Variants in LMO3 observed in about 807,000 individuals in gnomAD.
The protein encoded by LMO3 is LIM domain only 3.
Under a neutral mutation model 15.8 loss-of-function variants are expected in LMO3, and 2 were observed. That is an observed-to-expected ratio of 0.13 (90% CI 0.05 to 0.40). The LOEUF is 0.40. Among genes scored for constraint, LMO3 ranks in the 10% least tolerant of loss-of-function variants. The probability of loss-of-function intolerance (pLI) is 0.99; values close to 1 mark genes in which losing one functional copy is unlikely to be tolerated. For synonymous variants in LMO3, 62 were observed against 63.8 expected, an observed-to-expected ratio of 0.97 and a Z score of 0.13; for missense variants, 86 against 182.2, an observed-to-expected ratio of 0.47 and a Z score of 3.04.
Position 16,604,542 on chromosome 12 carries a change from T to C in LMO3, c.-9+1524A>G. On this transcript the variant is annotated intron_variant, in intron 1 of 3. Transcript: ENST00000537304. The surrounding 1 kb of genome is among the most constrained non-coding windows in gnomAD (Gnocchi z 5.3). ...AGATTTGCAAGACTGAGTTCAATTT[T>C]GATGCAGCTCACATGCAAAATAAAA... The C allele has an allele frequency of 6.8e-6, 2 of 295,726 alleles. No homozygotes were observed. Among genetic ancestry groups the C allele is most frequent in the Non-Finnish European group, 1.3e-5 (2 of 159,254 alleles). The allele number at this position is 295,726 out of a possible 1,614,324, so 18.3% of individuals were successfully genotyped here. A position where few individuals can be genotyped will look rare whatever the true frequency, so the allele number is the denominator to read the frequency against.
intron 3 of LMO3, among the ~76,000 whole-genome samples, chr12:16,553,088 T>A (rs566435305): frequency 1.3e-5 from 2 of 152,132 alleles, no homozygotes; most frequent in Admixed American, 6.5e-5. Flanking sequence ...AATAGCCACC[T>A]TTTTATGCTT....
intron 3 of LMO3, among the ~76,000 whole-genome samples, chr12:16,558,813 G>C (rs567088205): frequency 3.9e-5 from 6 of 152,130 alleles, no homozygotes; most frequent in Non-Finnish European, 5.9e-5. Flanking sequence ...AAATTATAAA[G>C]ATAACTAACT....
chr12:16,600,563 G>C, intron 2 of LMO3, 92 bp downstream of exon 2: 2 of 1,073,154 alleles, frequency 1.9e-6, no homozygotes, highest in South Asian at 2.9e-5. Flanking sequence ...TAAGCTGGCA[G>C]TAAGGAAATG....
chr12:16,570,633 G>C (rs1224220813), intron 2 of LMO3, among the ~76,000 whole-genome samples: 2 of 152,096 alleles, frequency 1.3e-5, no homozygotes, highest in Admixed American at 1.3e-4. Context: ...TACTCACTCA[G>C]GCACTAACAC....
intron 1 of LMO3, chr12:16,605,106 G>T: frequency 7.0e-7 from 1 of 1,435,364 alleles, no homozygotes; most frequent in South Asian, 1.5e-5. Flanking sequence ...AAGACAGGGC[G>T]CACACACGGA....
rs1430445626 is a variant in LMO3, at chr12:16,560,155, A to G, written c.332+258T>C. Reference sequence around the variant, plus strand: ...AAAATAATAAAAGAAGGAATGAGTAAAAGAAGTCAGAGTTTACGGTAGTGT... The same window carrying G: ...AAAATAATAAAAGAAGGAATGAGTAGAAGAAGTCAGAGTTTACGGTAGTGT... On this transcript the variant is annotated intron_variant, in intron 3 of 3. Coordinates refer to ENST00000537304, the MANE Select transcript of LMO3 (RefSeq NM_018640.5). The surrounding 1 kb of genome is among the most constrained non-coding windows in gnomAD (Gnocchi z 5.0). Among the ~76,000 whole-genome samples, 1 of 152,202 alleles carries G rather than the reference A, an allele frequency of 6.6e-6. No individual in the cohort carries two copies. Among genetic ancestry groups the G allele is most frequent in the Admixed American group, 6.5e-5 (1 of 15,290 alleles).
intron 2 of LMO3, among the ~76,000 whole-genome samples, chr12:16,579,292 C>T (rs1943089377): frequency 6.6e-6 from 1 of 152,122 alleles, no homozygotes. Context: ...CAAATTTGTT[C>T]AGATAATTAT....
chr12:16,560,566 TACAAACTC>T lies in LMO3; in HGVS notation c.207-36_207-29del. 1 of 1,578,148 alleles carries T rather than the reference TACAAACTC, an allele frequency of 6.3e-7. No individual in the cohort carries two copies. Among genetic ancestry groups the T allele is most frequent in the South Asian group, 1.1e-5 (1 of 88,010 alleles). On this transcript the variant is annotated intron_variant, in intron 2 of 3. Transcript: ENST00000537304. This position sits in a 1 kb window ranked among gnomAD's most constrained non-coding sequence, Gnocchi z 5.0. ...AGAATAAGAAACATTTTTTTTTTTT[TACAAACTC>T]TTACAGAGAAATCTGAGATCGTGAA...
At chr12:16,592,612 C>A (rs773147524) in intron 2 of LMO3, among the ~76,000 whole-genome samples, 1 of 151,868 alleles carries the variant, frequency 6.6e-6, no homozygotes, top group South Asian at 2.1e-4. Context: ...AGGTACTGAT[C>A]CACTCATGTT....
intron 2 of LMO3, among the ~76,000 whole-genome samples, chr12:16,568,624 G>C (rs1344729618): frequency 6.6e-6 from 1 of 152,160 alleles, no homozygotes; most frequent in African/African-American, 2.4e-5. Flanking sequence ...AATAATTTTT[G>C]AAAATATTGA....
In LMO3 at chr12:16,551,047, A is replaced by G; in HGVS notation, c.*175T>C. 1 of 529,964 alleles carries G rather than the reference A, an allele frequency of 1.9e-6. No homozygotes were observed. The highest frequency in any genetic ancestry group is 3.4e-6 in the Non-Finnish European group (1 of 294,538). 32.8% of individuals were successfully genotyped at this position (529,964 alleles called of 1,614,324 possible). A position where few individuals can be genotyped will look rare whatever the true frequency, so the allele number is the denominator to read the frequency against. On this transcript the variant is annotated 3_prime_UTR_variant, in exon 4 of 4. Transcript: ENST00000537304. Reference sequence around the variant, plus strand: ...TTTAATAATAAACATTCAACTCTGAACTGGGGCAATTTCACTACATACAGA... The same window carrying G: ...TTTAATAATAAACATTCAACTCTGAGCTGGGGCAATTTCACTACATACAGA...
intron 2 of LMO3, among the ~76,000 whole-genome samples, chr12:16,566,408 T>G (rs1942611817): frequency 6.6e-6 from 1 of 151,986 alleles, no homozygotes; most frequent in South Asian, 2.1e-4. Flanking sequence ...CTTTTGAATG[T>G]TTTCAACACA....
rs1555127529 is a variant in LMO3 at position 16,605,762 on chromosome 12, T to TC, written c.-9+303dup. ...GAACTTTGACTATTATCCACTCGAG[T>TC]CGTACTTGAGACGTTCCGCGCCGCA... On this transcript the variant is annotated intron_variant, in intron 1 of 3. Coordinates refer to ENST00000537304, the MANE Select transcript of LMO3 (RefSeq NM_018640.5). 9 of 1,535,194 alleles carry TC rather than the reference T, an allele frequency of 5.9e-6. No individual in the cohort carries two copies. In the South Asian group the frequency reaches 9.5e-5, roughly 16 times the overall value.
At chr12:16,588,223 T>C (rs1943381151) in intron 2 of LMO3, among the ~76,000 whole-genome samples, 1 of 151,966 alleles carries the variant, frequency 6.6e-6, no homozygotes, top group African/African-American at 2.4e-5. Context: ...AAATGTATAA[T>C]AAAGTATTTA....
In LMO3 at chr12:16,559,031, T is replaced by C. The variant is rs1486032668; in HGVS notation, c.332+1382A>G. Among the ~76,000 whole-genome samples the C allele has an allele frequency of 2.0e-5, 3 of 152,130 alleles. No homozygotes were observed. Among genetic ancestry groups the C allele is most frequent in the Non-Finnish European group, 4.4e-5 (3 of 67,992 alleles). On this transcript the variant is annotated intron_variant, in intron 3 of 3. Coordinates refer to ENST00000537304, the MANE Select transcript of LMO3 (RefSeq NM_018640.5). This position sits in a 1 kb window ranked among gnomAD's most constrained non-coding sequence, Gnocchi z 4.1. ...ATTTGAATCCCGTTCTCACTAGAAA[T>C]GTCACATTCTTTCTACTATTCTACA... is the stretch of plus-strand genomic sequence containing the variant.
At position 16,598,623 on chromosome 12, in the gene LMO3, T is replaced by C. The variant is rs898860879; in HGVS notation, c.206+2032A>G. On this transcript the variant is annotated intron_variant, in intron 2 of 3. Transcript: ENST00000537304. This position sits in a 1 kb window ranked among gnomAD's most constrained non-coding sequence, Gnocchi z 4.3. ...AAAGCCACATACACTCTTATAGAGA[T>C]ACAAAAACTTCTGATATGAAAACTA... 2 of 153,802 alleles carry C rather than the reference T, an allele frequency of 1.3e-5. No individual in the cohort carries two copies. Among genetic ancestry groups the C allele is most frequent in the African/African-American group, 4.8e-5 (2 of 41,498 alleles). The allele number at this position is 153,802 out of a possible 1,614,324, so 9.5% of individuals were successfully genotyped here.
At position 16,560,664 on chromosome 12, in the gene LMO3, G is replaced by T; in HGVS notation, c.207-126C>A. 1 of 818,148 alleles carries T rather than the reference G, an allele frequency of 1.2e-6. No homozygotes were observed. The highest frequency in any genetic ancestry group is 1.9e-6 in the Non-Finnish European group (1 of 516,368). The allele number at this position is 818,148 out of a possible 1,614,324, so 50.7% of individuals were successfully genotyped here. A position where few individuals can be genotyped will look rare whatever the true frequency, so the allele number is the denominator to read the frequency against. ...CAATGCTTTATGATGTACACAAGTG[G>T]ATTTTATCCTAGGTGTATGCATAAA... On this transcript the variant is annotated intron_variant, in intron 2 of 3. Coordinates refer to ENST00000537304, the MANE Select transcript of LMO3 (RefSeq NM_018640.5). The surrounding 1 kb of genome is among the most constrained non-coding windows in gnomAD (Gnocchi z 5.0).
intron 1 of LMO3, chr12:16,605,048 G>A (rs928263963): frequency 1.1e-5 from 17 of 1,512,604 alleles, no homozygotes; most frequent in Non-Finnish European, 1.8e-6. Flanking sequence ...TTTGGGAGCG[G>A]GTCGGAGTGG....
rs867353923 is a variant in LMO3 at position 16,582,903 on chromosome 12, C to T, written c.206+17752G>A. Among the ~76,000 whole-genome samples, 2 of 151,886 alleles carry T rather than the reference C, an allele frequency of 1.3e-5. No homozygotes were observed. The highest frequency in any genetic ancestry group is 3.2e-3 in the Middle Eastern group (1 of 316). On this transcript the variant is annotated intron_variant, in intron 2 of 3. Transcript: ENST00000537304. The surrounding 1 kb of genome is among the most constrained non-coding windows in gnomAD (Gnocchi z 4.1). Reference sequence around the variant, plus strand: ...TCTCTACTAAAATAAAAAAATTAGCCGGGAGTGGTGGCATGCACCTGTAAT... The same window carrying T: ...TCTCTACTAAAATAAAAAAATTAGCTGGGAGTGGTGGCATGCACCTGTAAT...
Sources: gnomAD v4.1 joint callset for allele counts (sites outside exome capture counted in the v4.1 genomes callset) on GRCh38, gnomAD v4.1.1 for gene constraint, Gnocchi (gnomAD v3.1) non-coding constraint, MANE v1.5 for transcripts, NCBI Gene and HGNC (gene_info 2026-07-23, HGNC 2026-07-21) for gene names.